Variants in UQCC1 observed in about 807,000 individuals in gnomAD.
UQCC1 encodes the protein bFGF-repressed Zic-binding protein.
In UQCC1, 38 loss-of-function variants were observed where a neutral mutation model predicts 48.0. That is an observed-to-expected ratio of 0.79 (90% CI 0.61 to 1.04). The LOEUF is 1.04. UQCC1 is among the 50% of genes least tolerant of loss of function. UQCC1 has a pLI of 0.00. For missense variants in UQCC1, 368 were observed against 381.8 expected (o/e 0.96, Z 0.30); for synonymous variants, 111 against 129.2 (o/e 0.86, Z 0.95).
chr20:35,351,854 G>T (rs1359091747), intron 6 of UQCC1, among the ~76,000 whole-genome samples: 56 of 152,224 alleles, frequency 3.7e-4, no homozygotes. Flanking sequence ...AAGGCAAAAT[G>T]AAGACACTTT....
intron 6 of UQCC1, among the ~76,000 whole-genome samples, chr20:35,363,763 C>T (rs954450015): frequency 1.3e-5 from 2 of 152,142 alleles, no homozygotes; most frequent in Admixed American, 6.5e-5. Flanking sequence ...GCCTCCTCCC[C>T]CACCCCACAC....
chr20:35,356,865 G>A (rs76129935), intron 6 of UQCC1, among the ~76,000 whole-genome samples: 1 of 152,018 alleles, frequency 6.6e-6, no homozygotes, highest in Non-Finnish European at 1.5e-5. Context: ...GAAAAAAAAA[G>A]ACTGGCTAAC....
chr20:35,403,787 C>T (rs2062204728), intron 1 of UQCC1, among the ~76,000 whole-genome samples: 1 of 152,180 alleles, frequency 6.6e-6, no homozygotes, highest in Non-Finnish European at 1.5e-5. Flanking sequence ...TGGAAACCAT[C>T]ATTCTCAGCA....
At chr20:35,410,857 A>C (rs1285982717) in intron 1 of UQCC1, among the ~76,000 whole-genome samples, 1 of 151,084 alleles carries the variant, frequency 6.6e-6, no homozygotes, top group East Asian at 1.9e-4. Context: ...GAAATCAAAC[A>C]ATCACTTCAC....
chr20:35,358,667 C>T (rs925068218), intron 6 of UQCC1, among the ~76,000 whole-genome samples: 1 of 152,090 alleles, frequency 6.6e-6, no homozygotes, highest in Non-Finnish European at 1.5e-5. Context: ...TCAAGAGATT[C>T]TCCTGCCTCA....
At position 35,303,778 on chromosome 20, in the gene UQCC1, A is replaced by T; in HGVS notation, c.*157T>A. ...CCCAGCAGATCAGACTCCTGGGCAC[A>T]CTAAGAGGAAACTCAACACAAATGG... is the stretch of plus-strand genomic sequence containing the variant. On this transcript the variant is annotated 3_prime_UTR_variant, in exon 10 of 10. Coordinates refer to ENST00000374385, the MANE Select transcript of UQCC1 (RefSeq NM_018244.5). 9.6e-7 allele frequency: 1 copy of T among 1,038,032 alleles called. No homozygotes were observed. Among genetic ancestry groups the T allele is most frequent in the Non-Finnish European group, 1.4e-6 (1 of 700,280 alleles). 64.3% of individuals were successfully genotyped at this position (1,038,032 alleles called of 1,614,324 possible).
chr20:35,307,061 T>C, intron 8 of UQCC1: 1 of 469,762 alleles, frequency 2.1e-6, no homozygotes, highest in Non-Finnish European at 3.9e-6. Flanking sequence ...CAGTACTCCG[T>C]ACTGCGCCTG....
At chr20:35,311,137 A>G (rs1440774360) in intron 8 of UQCC1, among the ~76,000 whole-genome samples, 1 of 152,164 alleles carries the variant, frequency 6.6e-6, no homozygotes, top group African/African-American at 2.4e-5. Flanking sequence ...TGTTAGGTAG[A>G]GTCTCAGTCA....
intron 1 of UQCC1, 38 bp downstream of exon 1, chr20:35,411,902 C>T: frequency 6.2e-7 from 1 of 1,614,028 alleles, no homozygotes; most frequent in Non-Finnish European, 8.5e-7. Flanking sequence ...CAACCCGGGA[C>T]CCAGAGAGCT....
chr20:35,340,259 A>G (rs1425245348), intron 7 of UQCC1, among the ~76,000 whole-genome samples: 1 of 151,566 alleles, frequency 6.6e-6, no homozygotes. Context: ...GGTAGGAAAC[A>G]TGTGTAAAGA....
At chr20:35,342,532 A>G (rs2061392079) in intron 7 of UQCC1, among the ~76,000 whole-genome samples, 1 of 152,216 alleles carries the variant, frequency 6.6e-6, no homozygotes, top group South Asian at 2.1e-4. Flanking sequence ...TGAAATTTAC[A>G]TCTGAAATCT....
chr20:35,368,755 A>G (rs2061696921), intron 5 of UQCC1, among the ~76,000 whole-genome samples: 1 of 152,194 alleles, frequency 6.6e-6, no homozygotes, highest in Non-Finnish European at 1.5e-5. Context: ...TCACAAAGTG[A>G]CACCAAAATA....
At chr20:35,344,520 G>C (rs2061412527) in intron 7 of UQCC1, 1 of 152,232 alleles carries the variant, frequency 6.6e-6, no homozygotes, top group African/African-American at 2.4e-5. Flanking sequence ...AGTCAGCCAG[G>C]GCTTTGGCTG....
chr20:35,363,722 G>A (rs1315089524), intron 6 of UQCC1, among the ~76,000 whole-genome samples: 1 of 152,122 alleles, frequency 6.6e-6, no homozygotes, highest in Non-Finnish European at 1.5e-5. Context: ...TTTGGCGGAG[G>A]AGGCATTATT....
At chr20:35,410,720 AAAAAC>A (rs1218646490) in intron 1 of UQCC1, among the ~76,000 whole-genome samples, 2 of 125,776 alleles carry the variant, frequency 1.6e-5, no homozygotes, top group East Asian at 2.1e-4. Flanking sequence ...AAAAAAAAAA[AAAAAC>A]AAAACCCTAA....
chr20:35,403,978 C>T (rs1293374075), intron 1 of UQCC1, among the ~76,000 whole-genome samples: 12 of 151,922 alleles, frequency 7.9e-5, no homozygotes, highest in Non-Finnish European at 1.5e-5. Flanking sequence ...TGGCTCATGC[C>T]TGTAATCCAA....
At chr20:35,335,901 G>A (rs2061310359) in intron 7 of UQCC1, among the ~76,000 whole-genome samples, 3 of 152,228 alleles carry the variant, frequency 2.0e-5, no homozygotes, top group African/African-American at 7.2e-5. Flanking sequence ...TGCCTGGCTA[G>A]GCGTGGTGGC....
intron 6 of UQCC1, among the ~76,000 whole-genome samples, chr20:35,360,828 T>C (rs1401632677): frequency 1.3e-5 from 2 of 152,164 alleles, no homozygotes; most frequent in African/African-American, 4.8e-5. Flanking sequence ...CCGTAAATGT[T>C]TGCTGTGCTC....
At chr20:35,330,205 A>G (rs2061241385) in intron 7 of UQCC1, among the ~76,000 whole-genome samples, 1 of 152,234 alleles carries the variant, frequency 6.6e-6, no homozygotes, top group South Asian at 2.1e-4. Context: ...GTGGCTCTAG[A>G]GAACAGCAAA....
Sources: gnomAD v4.1 joint callset for allele counts (sites outside exome capture counted in the v4.1 genomes callset) on GRCh38, gnomAD v4.1.1 for gene constraint, MANE v1.5 for transcripts, NCBI Gene and HGNC (gene_info 2026-07-23, HGNC 2026-07-21) for gene names.